The following ELMO2 variants were observed in gnomAD, a reference collection of about 807,000 sequenced individuals.
ELMO2 encodes engulfment and cell motility 2.
Under a neutral mutation model 96.2 loss-of-function variants are expected in ELMO2, and 37 were observed. The ratio of observed to expected loss-of-function variants is 0.38; its 90% CI spans 0.30 to 0.51. The LOEUF is 0.51. Among genes scored for constraint, ELMO2 ranks in the 20% least tolerant of loss-of-function variants. The pLI, the probability that ELMO2 is intolerant of heterozygous loss-of-function variation, is 0.88. For missense variants in ELMO2, 561 were observed against 912.6 expected (o/e 0.61, Z 4.96); for synonymous variants, 315 against 329.4 (o/e 0.96, Z 0.47).
At chr20:46,401,033 G>A (rs1016543050) in intron 1 of ELMO2, among the ~76,000 whole-genome samples, 4 of 152,186 alleles carry the variant, frequency 2.6e-5, no homozygotes, top group South Asian at 4.1e-4. Context: ...GGATAAGAAC[G>A]GATGTGTACT....
chr20:46,370,467 C>T lies in ELMO2; in HGVS notation c.1860G>A (p.Glu620=). Reference sequence around the variant, plus strand: ...CCTTGTTCTGTTTCAGAGCACTTTTCTCTTTCATGTGGGGACAATCTTTCC... The same window carrying T: ...CCTTGTTCTGTTTCAGAGCACTTTTTTCTTTCATGTGGGGACAATCTTTCC... ...VTGKDCPHMK[E]KSALKQNKEV... Residue 620 remains glutamate (E), a synonymous_variant, in exon 20 of 22, where the codon GAG becomes GAA. Coordinates refer to ENST00000290246, the MANE Select transcript of ELMO2 (RefSeq NM_133171.5). The T allele has an allele frequency of 6.2e-7, 1 of 1,614,198 alleles. No individual in the cohort carries two copies. The highest frequency in any genetic ancestry group is 8.5e-7 in the Non-Finnish European group (1 of 1,180,040).
intron 16 of ELMO2, 35 bp from the exon 17 acceptor site, chr20:46,372,004 T>G: frequency 6.2e-7 from 1 of 1,611,928 alleles, no homozygotes; most frequent in South Asian, 1.1e-5. Context: ...CTCACACCAC[T>G]ACTCTTGAGA....
At chr20:46,374,487 G>A (rs1344554783) in intron 14 of ELMO2, 47 bp from the exon 15 acceptor site, 2 of 1,611,302 alleles carry the variant, frequency 1.2e-6, no homozygotes, top group Admixed American at 1.7e-5. Context: ...AAGGAGGAAG[G>A]CAGGAGATGT....
intron 11 of ELMO2, among the ~76,000 whole-genome samples, chr20:46,379,285 C>T (rs1470756245): frequency 2.0e-5 from 3 of 152,070 alleles, no homozygotes; most frequent in East Asian, 1.9e-4. Context: ...TGAGCCACCA[C>T]GTCCGGCCAA....
intron 2 of ELMO2, among the ~76,000 whole-genome samples, chr20:46,396,025 T>G (rs2060239257): frequency 6.6e-6 from 1 of 152,270 alleles, no homozygotes; most frequent in African/African-American, 2.4e-5. Context: ...CAGCCTCAAC[T>G]TCTGTCCACT....
At chr20:46,400,192 A>G (rs1568790502) in intron 1 of ELMO2, among the ~76,000 whole-genome samples, 1 of 152,328 alleles carries the variant, frequency 6.6e-6, no homozygotes, top group East Asian at 1.9e-4. Flanking sequence ...AAACATTAGA[A>G]TAAGTCTTAC....
chr20:46,385,337 G>T (rs2060022819), intron 9 of ELMO2, among the ~76,000 whole-genome samples: 1 of 152,162 alleles, frequency 6.6e-6, no homozygotes, highest in Non-Finnish European at 1.5e-5. Flanking sequence ...TTTGTCATAT[G>T]GTCTCAGTAT....
intron 16 of ELMO2, 60 bp downstream of exon 16, chr20:46,373,339 C>CA: frequency 6.3e-7 from 1 of 1,599,694 alleles, no homozygotes; most frequent in African/African-American, 1.3e-5. Flanking sequence ...AGCCAGCTGT[C>CA]AAAGGCTGTC....
At chr20:46,391,232 G>A (rs2060144920) in intron 6 of ELMO2, among the ~76,000 whole-genome samples, 1 of 152,194 alleles carries the variant, frequency 6.6e-6, no homozygotes. Context: ...CATGATGGGA[G>A]GAATATGGGC....
rs767818738 is a variant in ELMO2 at position 46,389,064 on chromosome 20, C to T, written c.400G>A (p.Glu134Lys). The change falls in exon 7 of 22, where the codon GAA (glutamate) becomes AAA (lysine). Residue 134 changes from glutamate (E) to lysine (K), a missense_variant. Transcript: ENST00000290246. ...DGIIVLTRLV[E>K]SGTKLLSHYS... The stretch of plus-strand genomic sequence containing the variant: ...TGGGACAAGAGCTTGGTTCCACTTT[C>T]CACGAGCCTTGTCAGCACAATGATG... 1.9e-6 allele frequency: 3 copies of T among 1,614,064 alleles called. No homozygotes were observed. The highest frequency in any genetic ancestry group is 1.1e-5 in the South Asian group (1 of 91,070).
At chr20:46,370,299 A>T in intron 20 of ELMO2, 144 bp downstream of exon 20, 1 of 782,160 alleles carries the variant, frequency 1.3e-6, no homozygotes, top group Non-Finnish European at 2.2e-6. Context: ...GGTTCCATCT[A>T]TTTTTGTGTA....
Position 46,398,713 on chromosome 20 carries a change from C to A in ELMO2, c.-67G>T, listed in dbSNP as rs1431148596. 6.6e-6 allele frequency: 1 copy of A among 152,180 alleles called. No individual in the cohort carries two copies. The highest frequency in any genetic ancestry group is 2.4e-5 in the African/African-American group (1 of 41,428). The allele number at this position is 152,180 out of a possible 1,614,324, so 9.4% of individuals were successfully genotyped here. A position where few individuals can be genotyped will look rare whatever the true frequency, so the allele number is the denominator to read the frequency against. On this transcript the variant is annotated 5_prime_UTR_variant, in exon 2 of 22. Coordinates refer to ENST00000290246, the MANE Select transcript of ELMO2 (RefSeq NM_133171.5). ...CATTCCTACCTTACAGGTAAGGCAACTGAAGTTCAGACGGATTGACAAACT... is the reference window on the plus strand; with the variant it reads ...CATTCCTACCTTACAGGTAAGGCAAATGAAGTTCAGACGGATTGACAAACT...
intron 11 of ELMO2, among the ~76,000 whole-genome samples, chr20:46,379,272 G>T (rs2059914911): frequency 6.6e-6 from 1 of 152,028 alleles, no homozygotes; most frequent in Admixed American, 6.6e-5. Flanking sequence ...GGGATTACAG[G>T]TGTGAGCCAC....
At chr20:46,370,786 T>C (rs963475598) in intron 19 of ELMO2, among the ~76,000 whole-genome samples, 12 of 152,164 alleles carry the variant, frequency 7.9e-5, no homozygotes, top group Admixed American at 5.9e-4. Flanking sequence ...CTTGGATTTA[T>C]ATCCCCAAGG....
intron 13 of ELMO2, 140 bp from the exon 14 acceptor site, chr20:46,374,780 A>C (rs1600831126): frequency 1.4e-6 from 1 of 709,302 alleles, no homozygotes; most frequent in Non-Finnish European, 2.4e-6. Context: ...CACACCCATC[A>C]CCACCACTGA....
rs1337158032 is a variant in ELMO2 at position 46,387,632 on chromosome 20, C to A, written c.426-195G>T. The A allele has an allele frequency of 6.0e-3, 654 of 108,786 alleles. 71 individuals carry two copies. The highest frequency in any genetic ancestry group is 0.024 in the Middle Eastern group (6 of 252). 6.7% of individuals were successfully genotyped at this position (108,786 alleles called of 1,614,324 possible). On this transcript the variant is annotated intron_variant, in intron 7 of 21. Coordinates refer to ENST00000290246, the MANE Select transcript of ELMO2 (RefSeq NM_133171.5). ...GATTCAGCCCAGGTATCTATCGCTG[C>A]AAAAAAAAAAAAAAAAAAAAATGTT...
At chr20:46,398,921 A>G (rs2060291963) in intron 1 of ELMO2, 150 bp from the exon 2 acceptor site, 1 of 152,262 alleles carries the variant, frequency 6.6e-6, no homozygotes, top group Non-Finnish European at 1.5e-5. Flanking sequence ...TTAGATGATG[A>G]CATTAGCTAG....
Position 46,366,196 on chromosome 20 carries a change from A to C in ELMO2, c.*1164T>G, listed in dbSNP as rs2059582940. ...TTATTTTTCCCCAAGGTTCCATCCTAAGATAGGTAGATCTTATATAAATAT... is the reference window on the plus strand; with the variant it reads ...TTATTTTTCCCCAAGGTTCCATCCTCAGATAGGTAGATCTTATATAAATAT... On this transcript the variant is annotated 3_prime_UTR_variant, in exon 22 of 22. Transcript: ENST00000290246. 6.6e-6 allele frequency: 1 copy of C among 152,670 alleles called. No homozygotes were observed. Among genetic ancestry groups the C allele is most frequent in the Admixed American group, 6.5e-5 (1 of 15,292 alleles). The allele number at this position is 152,670 out of a possible 1,614,324, so 9.5% of individuals were successfully genotyped here.
chr20:46,368,801 C>T, intron 21 of ELMO2, 90 bp downstream of exon 21: 2 of 1,411,960 alleles, frequency 1.4e-6, no homozygotes, highest in Non-Finnish European at 2.0e-6. Flanking sequence ...CCACCCACCA[C>T]AGGGGACTTT....
Sources: allele counts gnomAD v4.1 joint callset (sites outside exome capture counted in the v4.1 genomes callset), GRCh38; gene constraint gnomAD v4.1.1; transcripts MANE v1.5; gene names NCBI Gene and HGNC (gene_info 2026-07-23, HGNC 2026-07-21).